The following PRKG1 variants were observed in gnomAD, a reference collection of about 807,000 sequenced individuals.
The protein encoded by PRKG1 is protein kinase cGMP-dependent 1, also known as cGMP-dependent protein kinase 1.
In PRKG1, 35 loss-of-function variants were observed where a neutral mutation model predicts 88.1. That is an observed-to-expected ratio of 0.40 (90% CI 0.30 to 0.53). The LOEUF (loss-of-function observed/expected upper bound fraction) is 0.53. PRKG1 is among the 20% of genes least tolerant of loss of function. The pLI, the probability that PRKG1 is intolerant of heterozygous loss-of-function variation, is 0.59. For synonymous variants in PRKG1, 303 were observed against 292.5 expected (o/e 1.04, Z -0.37); for missense variants, 540 against 839.8 (o/e 0.64, Z 4.41).
intron 1 of PRKG1, among the ~76,000 whole-genome samples, chr10:51,084,899 T>C (rs1844209658): frequency 6.6e-6 from 1 of 152,210 alleles, no homozygotes; most frequent in Non-Finnish European, 1.5e-5. Flanking sequence ...ATTATGGTAA[T>C]ATCAAGCTTT....
At chr10:52,293,442 C>T (rs573556483) in intron 17 of PRKG1, among the ~76,000 whole-genome samples, 108 of 152,178 alleles carry the variant, frequency 7.1e-4, no homozygotes, top group Non-Finnish European at 1.3e-3. Flanking sequence ...AAAAAAGAGC[C>T]TGCATCGCCA....
In PRKG1 at chr10:51,195,012, C is replaced by T. The variant is rs1837726598; in HGVS notation, c.478+41682C>T. 2.0e-5 allele frequency among the ~76,000 whole-genome samples: 3 copies of T among 152,170 alleles called. No individual in the cohort carries two copies. In the South Asian group the frequency reaches 6.2e-4, roughly 32 times the overall value. On this transcript the variant is annotated intron_variant, in intron 2 of 17. Transcript: ENST00000373980. ...TGTTGCATTGGGATTAAATTTCCAA[C>T]ACGTGAACTTTGGAGGGACACGTTC...
At chr10:51,847,041 T>C (rs1840416183) in intron 4 of PRKG1, among the ~76,000 whole-genome samples, 1 of 152,154 alleles carries the variant, frequency 6.6e-6, no homozygotes, top group South Asian at 2.1e-4. Flanking sequence ...GAGACAGTCA[T>C]GAGAGCTTTA....
intron 4 of PRKG1, among the ~76,000 whole-genome samples, chr10:51,835,022 C>T (rs1485954849): frequency 6.6e-6 from 1 of 152,134 alleles, no homozygotes; most frequent in Admixed American, 6.6e-5. Flanking sequence ...TGAAAGAAAG[C>T]CCATAAGCCC....
At chr10:51,558,745 A>G (rs1027629924) in intron 3 of PRKG1, among the ~76,000 whole-genome samples, 2 of 152,138 alleles carry the variant, frequency 1.3e-5, no homozygotes, top group Admixed American at 6.6e-5. Flanking sequence ...AAAAGATTTG[A>G]CAAAGAAAGC....
chr10:51,185,586 C>T (rs1837464585), intron 2 of PRKG1, among the ~76,000 whole-genome samples: 1 of 151,626 alleles, frequency 6.6e-6, no homozygotes, highest in South Asian at 2.1e-4. Context: ...GTTTTGTAAC[C>T]TTTGAGTCTT....
chr10:51,112,164 T>C (rs906401541), intron 1 of PRKG1, among the ~76,000 whole-genome samples: 1 of 152,146 alleles, frequency 6.6e-6, no homozygotes, highest in African/African-American at 2.4e-5. Flanking sequence ...TTCTGGCAGT[T>C]GCGGTCTCAA....
chr10:51,897,456 G>T (rs1225105384), intron 4 of PRKG1, among the ~76,000 whole-genome samples: 1 of 152,076 alleles, frequency 6.6e-6, no homozygotes, highest in Non-Finnish European at 1.5e-5. Context: ...TGAACTATTT[G>T]CAGATTTCTG....
chr10:52,125,616 G>C (rs111860057), intron 7 of PRKG1: 2 of 152,138 alleles, frequency 1.3e-5, no homozygotes. Context: ...ACCCACAAAT[G>C]TAATGCCTTT....
At chr10:51,808,172 T>TA (rs1242460346) in intron 4 of PRKG1, among the ~76,000 whole-genome samples, 1 of 152,222 alleles carries the variant, frequency 6.6e-6, no homozygotes, top group Non-Finnish European at 1.5e-5. Context: ...TGTTGCTTTT[T>TA]AAAAAATTGC....
At chr10:51,405,942 C>T (rs1837898026) in intron 2 of PRKG1, among the ~76,000 whole-genome samples, 1 of 152,168 alleles carries the variant, frequency 6.6e-6, no homozygotes, top group South Asian at 2.1e-4. Context: ...GGCAACAGAG[C>T]TGTCATGAAG....
chr10:51,571,653 A>G (rs1837756003), intron 3 of PRKG1, among the ~76,000 whole-genome samples: 1 of 152,044 alleles, frequency 6.6e-6, no homozygotes, highest in Admixed American at 6.6e-5. Context: ...TCAAAAAGGC[A>G]TGAACATACT....
At chr10:51,988,294 T>C (rs895011501) in intron 5 of PRKG1, among the ~76,000 whole-genome samples, 2 of 152,116 alleles carry the variant, frequency 1.3e-5, no homozygotes, top group Non-Finnish European at 2.9e-5. Flanking sequence ...TGGATATGTT[T>C]AACTTGATGC....
At chr10:51,115,836 GAAA>G (rs548541486) in intron 1 of PRKG1, among the ~76,000 whole-genome samples, 2 of 131,310 alleles carry the variant, frequency 1.5e-5, no homozygotes, top group Admixed American at 7.8e-5. Context: ...ACTCCATCTC[GAAA>G]AAAAAAAAAA....
intron 4 of PRKG1, among the ~76,000 whole-genome samples, chr10:51,860,582 C>T (rs1245834208): frequency 5.3e-5 from 8 of 152,178 alleles, no homozygotes; most frequent in Non-Finnish European, 1.0e-4. Context: ...GTGAGCATCT[C>T]TAATGGTTAC....
At chr10:51,650,904 C>A (rs1011986847) in intron 3 of PRKG1, among the ~76,000 whole-genome samples, 2 of 152,156 alleles carry the variant, frequency 1.3e-5, no homozygotes, top group South Asian at 2.1e-4. Flanking sequence ...CCTGTGATCT[C>A]ACCAAAAGTA....
intron 2 of PRKG1, among the ~76,000 whole-genome samples, chr10:51,244,664 A>G (rs1316251275): frequency 6.6e-6 from 1 of 152,082 alleles, no homozygotes; most frequent in Non-Finnish European, 1.5e-5. Context: ...AATTACTGGA[A>G]AAAAAGACTA....
intron 6 of PRKG1, among the ~76,000 whole-genome samples, chr10:52,059,453 A>G (rs987614199): frequency 1.3e-5 from 2 of 151,928 alleles, no homozygotes; most frequent in Non-Finnish European, 2.9e-5. Flanking sequence ...TTAGTCAGCA[A>G]TAAAAAACAT....
chr10:51,191,576 A>G (rs1837632136), intron 2 of PRKG1, among the ~76,000 whole-genome samples: 1 of 151,836 alleles, frequency 6.6e-6, no homozygotes, highest in Admixed American at 6.6e-5. Context: ...TTATGATGAT[A>G]ATTTATTGAG....
Sources: allele counts gnomAD v4.1 joint callset (sites outside exome capture counted in the v4.1 genomes callset), GRCh38; gene constraint gnomAD v4.1.1; transcripts MANE v1.5; gene names NCBI Gene and HGNC (gene_info 2026-07-23, HGNC 2026-07-21).